The following ITPA variants were observed in gnomAD, a reference collection of about 807,000 sequenced individuals.
The protein encoded by ITPA is inosine triphosphatase.
Under a neutral mutation model 29.6 loss-of-function variants are expected in ITPA, and 29 were observed. That is an observed-to-expected ratio of 0.98 (90% CI 0.73 to 1.34). ITPA has a LOEUF of 1.34. Among genes scored for constraint, ITPA ranks in the 40% most tolerant of loss-of-function variants. ITPA has a pLI of 0.00. For synonymous variants in ITPA, 103 were observed against 99.3 expected (o/e 1.04, Z -0.22); for missense variants, 241 against 251.5 (o/e 0.96, Z 0.28).
chr20:3,209,353 G>A (rs113832617), upstream of ITPA: 3 of 663,732 alleles, frequency 4.5e-6, no homozygotes, highest in African/African-American at 3.6e-5. The surrounding 1 kb of genome is among the most constrained non-coding windows in gnomAD (Gnocchi z 4.6). Context: ...GGCTCGGGAG[G>A]CCCCCAGCAA....
chr20:3,209,404 G>A (rs368841354), upstream of ITPA: 454 of 779,044 alleles, frequency 5.8e-4, 1 homozygote, highest in Non-Finnish European at 5.2e-4. This position sits in a 1 kb window ranked among gnomAD's most constrained non-coding sequence, Gnocchi z 4.6. Flanking sequence ...GAGCCCACTC[G>A]CCCGATACGC....
chr20:3,205,910 G>A (rs1365191943), upstream of ITPA, among the ~76,000 whole-genome samples: 2 of 151,856 alleles, frequency 1.3e-5, no homozygotes, highest in African/African-American at 2.4e-5. Flanking sequence ...CAAACAATGA[G>A]TGGGGCGTGG....
downstream of ITPA, among the ~76,000 whole-genome samples, chr20:3,225,024 G>A (rs755963210): frequency 6.6e-6 from 1 of 152,120 alleles, no homozygotes; most frequent in Non-Finnish European, 1.5e-5. Flanking sequence ...GTGCAACATG[G>A]CAAAACCTTG....
At position 3,218,606 on chromosome 20, in the gene ITPA, G is replaced by C. The variant is rs200558616; in HGVS notation, c.385G>C (p.Val129Leu). Residue 129 changes from valine to leucine, a missense_variant, in exon 6 of 8, where the codon GTG becomes CTG. Val to Leu is a conservative substitution (Grantham distance 32). Transcript: ENST00000380113. ...CAGCACCGGGGACCCAAGCCAGCCC[G>C]TGCGCCTGTTCAGGGGCCGGACCTC... ...ALSTGDPSQPVRLFRGRTSGR... is the reference protein window; with the variant it reads ...ALSTGDPSQPLRLFRGRTSGR... 15 of 1,613,368 alleles carry C rather than the reference G, an allele frequency of 9.3e-6. No homozygotes were observed. The South Asian group carries it at 1.2e-4, about 13-fold the overall frequency.
At chr20:3,226,899 TCTCC>T (rs1568524114), downstream of ITPA, among the ~76,000 whole-genome samples, 2 of 151,996 alleles carry the variant, frequency 1.3e-5, no homozygotes. This position sits in a 1 kb window ranked among gnomAD's most constrained non-coding sequence, Gnocchi z 4.4. Context: ...CACTGCACCT[TCTCC>T]CTCCGTCAAA....
downstream of ITPA, among the ~76,000 whole-genome samples, chr20:3,225,975 G>T (rs1183370839): frequency 6.6e-6 from 1 of 152,240 alleles, no homozygotes; most frequent in Non-Finnish European, 1.5e-5. Context: ...GTTGCAGTGA[G>T]CCGAGATCAC....
chr20:3,213,510 AG>A (rs2067221458), intron 3 of ITPA, 127 bp downstream of exon 3: 2 of 1,131,004 alleles, frequency 1.8e-6, no homozygotes, highest in Admixed American at 3.9e-5. Context: ...AGAGTCCTCT[AG>A]GGTTCAGTTA....
chr20:3,227,210 T>C (rs967124760), downstream of ITPA, among the ~76,000 whole-genome samples: 8 of 152,230 alleles, frequency 5.3e-5, no homozygotes, highest in Admixed American at 2.0e-4. Context: ...ACGCTTTCCC[T>C]GCAGGTCCCT....
At position 3,223,635 on chromosome 20, in the gene ITPA, ACT is replaced by A; in HGVS notation, c.*176_*177del. ...GGAGCAGCTGGCTCTGCTCTGAGAA[ACT>A]CTGGCAAGTGGACGCCATTCTCTTG... is the stretch of plus-strand genomic sequence containing the variant. On this transcript the variant is annotated 3_prime_UTR_variant, in exon 8 of 8. Coordinates refer to ENST00000380113, the MANE Select transcript of ITPA (RefSeq NM_033453.4). 1 of 634,168 alleles carries A rather than the reference ACT, an allele frequency of 1.6e-6. No individual in the cohort carries two copies. Among genetic ancestry groups the A allele is most frequent in the Non-Finnish European group, 2.8e-6 (1 of 351,896 alleles). The allele number at this position is 634,168 out of a possible 1,614,324, so 39.3% of individuals were successfully genotyped here.
chr20:3,204,363 G>A (rs1168178714), upstream of ITPA, among the ~76,000 whole-genome samples: 2 of 152,238 alleles, frequency 1.3e-5, no homozygotes, highest in East Asian at 1.9e-4. Flanking sequence ...CGCGGCCACC[G>A]ATTCCAGGTA....
At position 3,209,662 on chromosome 20, in the gene ITPA, A is replaced by C. The variant is rs774104156; in HGVS notation, c.66+45A>C. The C allele has an allele frequency of 2.0e-6, 3 of 1,516,512 alleles. No homozygotes were observed. In the South Asian group the frequency reaches 3.4e-5, roughly 17 times the overall value. 93.9% of individuals were successfully genotyped at this position (1,516,512 alleles called of 1,614,324 possible). On this transcript the variant is annotated intron_variant, in intron 1 of 7. Coordinates refer to ENST00000380113, the MANE Select transcript of ITPA (RefSeq NM_033453.4). This position sits in a 1 kb window ranked among gnomAD's most constrained non-coding sequence, Gnocchi z 4.6. ...GGCTAACTGGGAGGCGGCTGGGAAT[A>C]GGGCGGAGAAGGGGCTTCCGGGAGG...
chr20:3,210,715 G>A (rs2067150897), intron 1 of ITPA, among the ~76,000 whole-genome samples: 2 of 152,140 alleles, frequency 1.3e-5, no homozygotes, highest in Admixed American at 6.6e-5. Flanking sequence ...CAGTGGGCAT[G>A]AGACCCCAAA....
At position 3,213,187 on chromosome 20, in the gene ITPA, G is replaced by A; in HGVS notation, c.85G>A (p.Asp29Asn). The change falls in exon 2 of 8, where the codon GAT (aspartate) becomes AAT (asparagine). Residue 29 changes from aspartate to asparagine, a missense_variant. Physicochemically the swap from Asp to Asn is conservative, Grantham distance 23. Coordinates refer to ENST00000380113, the MANE Select transcript of ITPA (RefSeq NM_033453.4). ...GGAACAGGTCGTTCAGATTCTAGGA[G>A]ATAAGTTTCCATGCACTTTGGTGGC... Reference protein sequence around the residue: ...KLEEVVQILGDKFPCTLVAQK... With the variant: ...KLEEVVQILGNKFPCTLVAQK... The A allele has an allele frequency of 6.2e-7, 1 of 1,614,156 alleles. No homozygotes were observed. Among genetic ancestry groups the A allele is most frequent in the East Asian group, 2.2e-5 (1 of 44,892 alleles).
At chr20:3,213,487 C>G (rs749907162) in intron 3 of ITPA, 104 bp downstream of exon 3, 2 of 1,406,862 alleles carry the variant, frequency 1.4e-6, no homozygotes, top group African/African-American at 2.8e-5. Context: ...GTTGAGCTTT[C>G]TAGGACCGGC....
rs1422536615 is a variant in ITPA, at chr20:3,209,615, G to A, written c.64G>A (p.Glu22Lys). 2 of 1,613,990 alleles carry A rather than the reference G, an allele frequency of 1.2e-6. No individual in the cohort carries two copies. Among genetic ancestry groups the A allele is most frequent in the Admixed American group, 1.7e-5 (1 of 60,016 alleles). ...AACGGGGAACGCCAAGAAGCTGGAG[G>A]AGGTGCCGGGAGGGTGTTGGGGGCT... is the stretch of plus-strand genomic sequence containing the variant. ...FVTGNAKKLE[E>K]VVQILGDKFP... Residue 22 changes from glutamate (E) to lysine (K), a missense_variant and splice_region_variant, in exon 1 of 8, where the codon GAG becomes AAG. Transcript: ENST00000380113. This position sits in a 1 kb window ranked among gnomAD's most constrained non-coding sequence, Gnocchi z 4.6.
rs747460222 is a variant in ITPA at position 3,209,544 on chromosome 20, G to C, written c.-8G>C. 9.9e-6 allele frequency: 16 copies of C among 1,613,796 alleles called. No individual in the cohort carries two copies. The East Asian group carries it at 3.1e-4, about 31-fold the overall frequency. On this transcript the variant is annotated 5_prime_UTR_variant, in exon 1 of 8. Coordinates refer to ENST00000380113, the MANE Select transcript of ITPA (RefSeq NM_033453.4). This position sits in a 1 kb window ranked among gnomAD's most constrained non-coding sequence, Gnocchi z 4.6. ...TTCGGTGGCTCAGCTGGGTAACCGG[G>C]GATCACCATGGCGGCCTCATTGGTG... is the stretch of plus-strand genomic sequence containing the variant.
Position 3,223,719 on chromosome 20 carries a change from C to T in ITPA, c.*257C>T. ...GCCAGGCCTGGGGTCCTGAAAGGAC[C>T]TTGGGTGGTAAAGCTGTACTTGGTG... On this transcript the variant is annotated 3_prime_UTR_variant, in exon 8 of 8. Transcript: ENST00000380113. 3.6e-6 allele frequency: 2 copies of T among 557,814 alleles called. No homozygotes were observed. Among genetic ancestry groups the T allele is most frequent in the African/African-American group, 1.9e-5 (1 of 53,198 alleles). 34.6% of individuals were successfully genotyped at this position (557,814 alleles called of 1,614,324 possible).
intron 5 of ITPA, among the ~76,000 whole-genome samples, chr20:3,217,990 T>TCC (rs1346946413): frequency 2.6e-5 from 4 of 151,644 alleles, no homozygotes; most frequent in African/African-American, 9.7e-5. Flanking sequence ...CGATCTCGGC[T>TCC]CACTGCAAGC....
chr20:3,216,584 G>T (rs1208260134), intron 5 of ITPA, among the ~76,000 whole-genome samples: 1 of 151,604 alleles, frequency 6.6e-6, no homozygotes, highest in Non-Finnish European at 1.5e-5. Context: ...CTCCCTAGTA[G>T]CTGGGATTAC....
Sources: gnomAD v4.1 joint callset for allele counts (sites outside exome capture counted in the v4.1 genomes callset) on GRCh38, gnomAD v4.1.1 for gene constraint, Gnocchi (gnomAD v3.1) non-coding constraint, MANE v1.5 for transcripts, NCBI Gene and HGNC (gene_info 2026-07-23, HGNC 2026-07-21) for gene names.